MSTO1: variants seen among roughly 807,000 people sequenced by gnomAD.
MSTO1 encodes the protein protein misato homolog 1.
In MSTO1, 24 loss-of-function variants were observed where a neutral mutation model predicts 55.7. The observed-to-expected ratio is 0.43, with a 90% CI of 0.31 to 0.61. The LOEUF (loss-of-function observed/expected upper bound fraction) is 0.61, where lower values mean the gene tolerates loss of function less well. Ranked by LOEUF, MSTO1 falls within the 20% of genes least tolerant of loss-of-function variation. The pLI is 0.09. For missense variants in MSTO1, 363 were observed against 625.7 expected (o/e 0.58, Z 4.48); for synonymous variants, 162 against 252.8 (o/e 0.64, Z 3.41).
chr1:155,597,483 G>A, the MSTO1 span, among the ~76,000 whole-genome samples: 1 of 151,690 alleles, frequency 6.6e-6, no homozygotes, highest in African/African-American at 2.4e-5. Flanking sequence ...AAAACAATTG[G>A]ATTGATGTAG....
At chr1:155,611,477 T>C (rs1674017192) in intron 4 of MSTO1, 72 bp from the exon 5 acceptor site, 1 of 1,613,716 alleles carries the variant, frequency 6.2e-7, no homozygotes, top group Non-Finnish European at 8.5e-7. Context: ...GCCAGCCAAC[T>C]CAAGGAGGAC....
At chr1:155,577,894 A>G in the MSTO1 span, among the ~76,000 whole-genome samples, 1 of 152,144 alleles carries the variant, frequency 6.6e-6, no homozygotes. Flanking sequence ...TACAAGCACG[A>G]GCCACTACAC....
chr1:155,592,764 A>G, the MSTO1 span, among the ~76,000 whole-genome samples: 4 of 152,248 alleles, frequency 2.6e-5, no homozygotes, highest in East Asian at 7.7e-4. Flanking sequence ...CAAGTTGTCC[A>G]GGCTGGTCTC....
At chr1:155,589,026 G>A in the MSTO1 span, among the ~76,000 whole-genome samples, 12 of 152,126 alleles carry the variant, frequency 7.9e-5, no homozygotes, top group South Asian at 2.1e-4. Flanking sequence ...GGCCGGGCAC[G>A]GTAGCTCATG....
chr1:155,603,644 G>C, the MSTO1 span, among the ~76,000 whole-genome samples: 1 of 151,986 alleles, frequency 6.6e-6, no homozygotes, highest in African/African-American at 2.4e-5. Context: ...GATCACCAGA[G>C]GTCAGGAGTT....
chr1:155,589,281 G>A, the MSTO1 span, among the ~76,000 whole-genome samples: 1 of 151,184 alleles, frequency 6.6e-6, no homozygotes, highest in Admixed American at 6.6e-5. Flanking sequence ...CTGGGCAATA[G>A]AGCGAGACTC....
chr1:155,587,365 G>A, the MSTO1 span, among the ~76,000 whole-genome samples: 5 of 150,452 alleles, frequency 3.3e-5, no homozygotes, highest in South Asian at 2.1e-4. Flanking sequence ...CGTTCAACCC[G>A]GGAGGTGGAG....
the MSTO1 span, chr1:155,590,536 A>C: frequency 1.3e-6 from 1 of 784,616 alleles, no homozygotes; most frequent in Non-Finnish European, 2.1e-6. Context: ...ACCCATCCCA[A>C]AGCTGTTGGG....
the MSTO1 span, among the ~76,000 whole-genome samples, chr1:155,581,897 G>A: frequency 1.3e-5 from 2 of 149,916 alleles, no homozygotes; most frequent in African/African-American, 2.5e-5. Context: ...CGGTGCAAGC[G>A]ATTCTCCTGC....
chr1:155,586,052 A>G, the MSTO1 span, among the ~76,000 whole-genome samples: 2 of 152,178 alleles, frequency 1.3e-5, no homozygotes, highest in Admixed American at 6.5e-5. Flanking sequence ...ATTCCATTCT[A>G]TGACTGTATC....
At chr1:155,598,162 G>A in the MSTO1 span, among the ~76,000 whole-genome samples, 71 of 150,234 alleles carry the variant, frequency 4.7e-4, no homozygotes, top group African/African-American at 1.7e-3. Flanking sequence ...TTGTTGCACA[G>A]GCTGGAGTGC....
the MSTO1 span, among the ~76,000 whole-genome samples, chr1:155,584,916 T>G: frequency 4.1e-5 from 6 of 147,562 alleles, no homozygotes; most frequent in African/African-American, 9.9e-5. Context: ...TTTTTTTTTG[T>G]TTTGTTTGTT....
At chr1:155,586,188 TTCTCTC>T in the MSTO1 span, among the ~76,000 whole-genome samples, 2 of 150,866 alleles carry the variant, frequency 1.3e-5, no homozygotes, top group African/African-American at 4.9e-5. Context: ...GTTTTTTTCT[TTCTCTC>T]TCTCTCTGTC....
chr1:155,572,013 G>T, the MSTO1 span, among the ~76,000 whole-genome samples: 139 of 150,828 alleles, frequency 9.2e-4, no homozygotes, highest in Non-Finnish European at 1.7e-3. Context: ...CTGCACTGCA[G>T]CCTGGGCGAC....
upstream of MSTO1, among the ~76,000 whole-genome samples, chr1:155,609,449 C>CA: frequency 6.7e-6 from 1 of 150,278 alleles, no homozygotes; most frequent in East Asian, 2.0e-4. Flanking sequence ...GGGGTTTCAC[C>CA]GTGTTAGCCA....
At chr1:155,574,419 T>C in the MSTO1 span, among the ~76,000 whole-genome samples, 1 of 152,156 alleles carries the variant, frequency 6.6e-6, no homozygotes, top group Non-Finnish European at 1.5e-5. Context: ...ATAGTATTGT[T>C]CCAACTTTAA....
At chr1:155,608,684 A>G (rs1673086264), upstream of MSTO1, among the ~76,000 whole-genome samples, 1 of 150,590 alleles carries the variant, frequency 6.6e-6, no homozygotes, top group Admixed American at 6.6e-5. Context: ...TAGTATTTTT[A>G]GTAGAGACGG....
chr1:155,613,408 G>T, intron 11 of MSTO1, 54 bp from the exon 12 acceptor site: 2 of 1,609,626 alleles, frequency 1.2e-6, no homozygotes, highest in Non-Finnish European at 1.7e-6. Context: ...TAAGAATTCT[G>T]TTTCTTATTC....
chr1:155,603,538 CT>C, the MSTO1 span, among the ~76,000 whole-genome samples: 1 of 152,152 alleles, frequency 6.6e-6, no homozygotes, highest in Non-Finnish European at 1.5e-5. Flanking sequence ...GATTAACACA[CT>C]TCTCCTAATG....
Sources: gnomAD v4.1 joint callset for allele counts (sites outside exome capture counted in the v4.1 genomes callset) on GRCh38, gnomAD v4.1.1 for gene constraint, MANE v1.5 for transcripts, NCBI Gene and HGNC (gene_info 2026-07-23, HGNC 2026-07-21) for gene names.